COL22A1: variants seen among roughly 807,000 people sequenced by gnomAD.
The protein encoded by COL22A1 is collagen type XXII alpha 1 chain.
A neutral mutation model predicts 248.9 loss-of-function variants in COL22A1; 221 were observed. The observed-to-expected ratio is 0.89, with a 90% confidence interval of 0.80 to 0.99. COL22A1 has a LOEUF of 0.99. Among genes scored for constraint, COL22A1 ranks in the 50% least tolerant of loss-of-function variants. COL22A1 has a pLI of 0.00. For synonymous variants in COL22A1, 891 were observed against 793.4 expected (o/e 1.12, Z -2.07); for missense variants, 2,240 against 2,179.0 (o/e 1.03, Z -0.56).
intron 3 of COL22A1, among the ~76,000 whole-genome samples, chr8:138,861,610 T>G (rs1182069939): frequency 6.6e-6 from 1 of 152,192 alleles, no homozygotes; most frequent in Non-Finnish European, 1.5e-5. Flanking sequence ...CTCTTGCTGC[T>G]TTGGGGTTGG....
chr8:138,638,258 C>T (rs1395830976), intron 47 of COL22A1, among the ~76,000 whole-genome samples: 2 of 152,156 alleles, frequency 1.3e-5, no homozygotes, highest in Non-Finnish European at 2.9e-5. Context: ...CATTTCAATT[C>T]CTTTAAAAGA....
chr8:138,690,030 T>C (rs1037405106), intron 36 of COL22A1, among the ~76,000 whole-genome samples: 2 of 152,156 alleles, frequency 1.3e-5, no homozygotes, highest in Non-Finnish European at 2.9e-5. Context: ...ATTAAATGAA[T>C]GAACACATAT....
intron 39 of COL22A1, among the ~76,000 whole-genome samples, chr8:138,679,892 G>A (rs866263093): frequency 3.9e-5 from 6 of 152,162 alleles, no homozygotes; most frequent in Non-Finnish European, 8.8e-5. Context: ...ATTGAGATCT[G>A]CCTTTGACCA....
intron 3 of COL22A1, among the ~76,000 whole-genome samples, chr8:138,857,996 C>T (rs1386688707): frequency 6.6e-6 from 1 of 152,238 alleles, no homozygotes; most frequent in African/African-American, 2.4e-5. Flanking sequence ...AATGACAGCA[C>T]ATGGCTTTGC....
chr8:138,654,432 T>C (rs541467067), intron 45 of COL22A1, among the ~76,000 whole-genome samples: 4 of 152,220 alleles, frequency 2.6e-5, no homozygotes, highest in African/African-American at 7.2e-5. Flanking sequence ...TACAGTGAGA[T>C]TGAACGCCCC....
At chr8:138,909,839 C>T (rs1231409619) in intron 1 of COL22A1, among the ~76,000 whole-genome samples, 2 of 152,176 alleles carry the variant, frequency 1.3e-5, no homozygotes, top group African/African-American at 4.8e-5. Context: ...GTTAGCCCTG[C>T]TTTCAGCCTC....
At chr8:138,803,071 G>T (rs1001594645) in intron 10 of COL22A1, 137 bp from the exon 11 acceptor site, 57 of 727,378 alleles carry the variant, frequency 7.8e-5, no homozygotes, top group Middle Eastern at 2.3e-4. Flanking sequence ...CTGCAACGAG[G>T]CCACATGTCC....
intron 3 of COL22A1, among the ~76,000 whole-genome samples, chr8:138,846,456 C>T (rs1027614780): frequency 1.3e-5 from 2 of 152,190 alleles, no homozygotes; most frequent in Admixed American, 1.3e-4. Flanking sequence ...ATAGAACTTG[C>T]TCAAATTGCT....
In COL22A1 at chr8:138,649,705, A is replaced by G. The variant is rs1391389407; in HGVS notation, c.3407T>C (p.Val1136Ala). The change falls in exon 46 of 65, where the codon GTC becomes GCC. Residue 1136 changes from valine (V) to alanine (A), a missense_variant. Val to Ala is a moderately conservative substitution (Grantham distance 64). Transcript: ENST00000303045. The part of the protein sequence containing the change: ...GLPGFKGDKG[V>A]PGKPGREGTE... The stretch of plus-strand genomic sequence containing the variant: ...GCCTTCTCTCCCTGGCTTTCCTGGG[A>G]CACCTTTGTCCCCTTTAAAACCTGG... 1 of 1,613,580 alleles carries G rather than the reference A, an allele frequency of 6.2e-7. No individual in the cohort carries two copies. Among genetic ancestry groups the G allele is most frequent in the Non-Finnish European group, 8.5e-7 (1 of 1,179,798 alleles).
rs542918611 is a variant in COL22A1, at chr8:138,862,660, A to G, written c.658+15090T>C. Among the ~76,000 whole-genome samples the G allele has an allele frequency of 1.8e-4, 27 of 152,058 alleles. No individual in the cohort carries two copies. In the South Asian group the frequency reaches 5.4e-3, roughly 30 times the overall value. ...GTTTTTTTCCCTCATATTAACTATTATACTACCCTGAAATGCAGATACTGT... is the reference window on the plus strand; with the variant it reads ...GTTTTTTTCCCTCATATTAACTATTGTACTACCCTGAAATGCAGATACTGT... On this transcript the variant is annotated intron_variant, in intron 3 of 64. Coordinates refer to ENST00000303045, the MANE Select transcript of COL22A1 (RefSeq NM_152888.3).
chr8:138,818,040 G>C (rs1288216554), intron 7 of COL22A1, among the ~76,000 whole-genome samples: 4 of 152,216 alleles, frequency 2.6e-5, no homozygotes, highest in African/African-American at 9.7e-5. Flanking sequence ...ACCTCAAATA[G>C]AAATATAGTG....
chr8:138,851,688 AG>A (rs1821656370), intron 3 of COL22A1, among the ~76,000 whole-genome samples: 1 of 152,176 alleles, frequency 6.6e-6, no homozygotes, highest in Non-Finnish European at 1.5e-5. Context: ...GCTCAGGGGC[AG>A]CAGAGCCCTT....
intron 23 of COL22A1, among the ~76,000 whole-genome samples, chr8:138,734,093 C>T (rs990977545): frequency 6.6e-6 from 1 of 152,186 alleles, no homozygotes; most frequent in Admixed American, 6.5e-5. Context: ...TTGCCTTTCA[C>T]CCTTTCTGCC....
At chr8:138,694,690 A>C in intron 33 of COL22A1, 129 bp from the exon 34 acceptor site, 1 of 1,361,720 alleles carries the variant, frequency 7.3e-7, no homozygotes, top group Non-Finnish European at 1.0e-6. Flanking sequence ...CGTCCTGAGG[A>C]GAAGAAAGGG....
intron 13 of COL22A1, among the ~76,000 whole-genome samples, chr8:138,779,862 C>T (rs1160251544): frequency 6.6e-6 from 1 of 152,172 alleles, no homozygotes; most frequent in Non-Finnish European, 1.5e-5. Flanking sequence ...AAATACTTGG[C>T]TCAAGTGATC....
chr8:138,882,642 TCA>T (rs1156897686), intron 2 of COL22A1, among the ~76,000 whole-genome samples: 4 of 145,288 alleles, frequency 2.8e-5, no homozygotes, highest in Admixed American at 6.9e-5. Flanking sequence ...TCACACACTC[TCA>T]CACTCCCTCA....
chr8:138,602,100 GT>G lies in COL22A1; in HGVS notation c.4185+14del, dbSNP rs778579884. 2 of 1,614,030 alleles carry G rather than the reference GT, an allele frequency of 1.2e-6. No homozygotes were observed. The highest frequency in any genetic ancestry group is 1.7e-6 in the Non-Finnish European group (2 of 1,179,952). ...CGCGTTCGGCGTGTTCAAGGTGCCT[GT>G]GCTCTCCACTCACCCTTTCTCCTTT... On this transcript the variant is annotated intron_variant, in intron 60 of 64. Coordinates refer to ENST00000303045, the MANE Select transcript of COL22A1 (RefSeq NM_152888.3).
At chr8:138,730,113 C>T (rs895084681) in intron 23 of COL22A1, among the ~76,000 whole-genome samples, 3 of 152,228 alleles carry the variant, frequency 2.0e-5, no homozygotes, top group African/African-American at 7.2e-5. Flanking sequence ...TGCTTGGCAT[C>T]CTACAAGGAT....
chr8:138,651,912 T>G (rs1345635770), intron 45 of COL22A1, among the ~76,000 whole-genome samples: 1 of 152,226 alleles, frequency 6.6e-6, no homozygotes, highest in Non-Finnish European at 1.5e-5. Flanking sequence ...TCCTATTTCT[T>G]TCTAATTTCT....
Sources: gnomAD v4.1 joint callset for allele counts (sites outside exome capture counted in the v4.1 genomes callset) on GRCh38, gnomAD v4.1.1 for gene constraint, MANE v1.5 for transcripts, NCBI Gene and HGNC (gene_info 2026-07-23, HGNC 2026-07-21) for gene names.